Variants in FBXW8 observed in about 807,000 individuals in gnomAD.
The protein encoded by FBXW8 is F-box and WD repeat domain containing 8.
A neutral mutation model predicts 65.3 loss-of-function variants in FBXW8; 57 were observed. The observed-to-expected ratio is 0.87, with a 90% CI of 0.71 to 1.09. FBXW8 has a LOEUF of 1.09. FBXW8 is among the 50% of genes least tolerant of loss of function. The probability of loss-of-function intolerance (pLI) is 0.00; values close to 1 mark genes in which losing one functional copy is unlikely to be tolerated. For synonymous variants in FBXW8, 308 were observed against 330.2 expected (o/e 0.93, Z 0.73); for missense variants, 777 against 814.8 (o/e 0.95, Z 0.57).
chr12:117,022,531 T>TTCGGGTAGCA (rs1954124246), intron 8 of FBXW8, among the ~76,000 whole-genome samples: 12 of 152,104 alleles, frequency 7.9e-5, no homozygotes, highest in South Asian at 2.1e-4. Context: ...AGCACGTGCT[T>TTCGGGTAGCA]GTAGTCCCAG....
intron 5 of FBXW8, among the ~76,000 whole-genome samples, chr12:116,965,060 C>G (rs1884231259): frequency 6.6e-6 from 1 of 152,190 alleles, no homozygotes; most frequent in African/African-American, 2.4e-5. Context: ...AACACAGCAC[C>G]CATTAAAACT....
chr12:116,966,553 T>C (rs983494850), intron 5 of FBXW8, among the ~76,000 whole-genome samples: 11 of 152,120 alleles, frequency 7.2e-5, no homozygotes, highest in Admixed American at 7.2e-4. Flanking sequence ...GTGCGCCCAA[T>C]TGATTTGCAG....
intron 5 of FBXW8, among the ~76,000 whole-genome samples, chr12:116,969,181 C>T (rs1201497370): frequency 1.3e-5 from 2 of 152,152 alleles, no homozygotes; most frequent in African/African-American, 4.8e-5. Context: ...TGGGTAAAAT[C>T]TATAAGTGCT....
chr12:116,922,229 C>G (rs1392715774), intron 1 of FBXW8, among the ~76,000 whole-genome samples: 3 of 151,954 alleles, frequency 2.0e-5, no homozygotes, highest in Non-Finnish European at 4.4e-5. Flanking sequence ...CCTTTCAGAC[C>G]TTTTTCCCCC....
intron 8 of FBXW8, among the ~76,000 whole-genome samples, chr12:117,022,164 C>G (rs1017572228): frequency 6.6e-6 from 1 of 152,010 alleles, no homozygotes; most frequent in African/African-American, 2.4e-5. Context: ...GATTGTTGCC[C>G]CTTGCTGGCT....
chr12:117,025,242 GGAGA>G (rs1954195887), intron 9 of FBXW8, among the ~76,000 whole-genome samples: 3 of 152,228 alleles, frequency 2.0e-5, no homozygotes, highest in Non-Finnish European at 2.9e-5. Context: ...CAGCTACTCA[GGAGA>G]CTGAGGAGCT....
At chr12:117,019,361 G>C (rs917028144) in intron 8 of FBXW8, among the ~76,000 whole-genome samples, 4 of 152,184 alleles carry the variant, frequency 2.6e-5, no homozygotes, top group Non-Finnish European at 4.4e-5. Context: ...GCTTGTTAAT[G>C]TTGGCCACAT....
chr12:116,982,076 A>G (rs1436048809), intron 5 of FBXW8, among the ~76,000 whole-genome samples: 4 of 152,220 alleles, frequency 2.6e-5, no homozygotes, highest in East Asian at 1.9e-4. Flanking sequence ...AGTTATCCCA[A>G]ATACTCAATC....
intron 7 of FBXW8, among the ~76,000 whole-genome samples, chr12:116,998,775 C>A (rs1420872741): frequency 6.6e-6 from 1 of 152,174 alleles, no homozygotes; most frequent in Non-Finnish European, 1.5e-5. Context: ...GTGTGCTTCC[C>A]CTGCATGTCC....
intron 8 of FBXW8, among the ~76,000 whole-genome samples, chr12:117,018,050 G>A (rs1030583526): frequency 2.0e-5 from 3 of 152,158 alleles, no homozygotes; most frequent in Non-Finnish European, 4.4e-5. Flanking sequence ...TCTTAACACA[G>A]GACCAACCAG....
chr12:117,020,455 C>T (rs1174713785), intron 8 of FBXW8, among the ~76,000 whole-genome samples: 1 of 152,188 alleles, frequency 6.6e-6, no homozygotes, highest in Non-Finnish European at 1.5e-5. Context: ...TTTCTCCTTC[C>T]GGAACTTGGG....
chr12:116,960,141 G>C (rs907420749), intron 4 of FBXW8, among the ~76,000 whole-genome samples: 5 of 152,124 alleles, frequency 3.3e-5, no homozygotes, highest in Admixed American at 1.3e-4. Context: ...ACCTCCATTC[G>C]TTATCTGTTC....
At chr12:116,981,518 A>C (rs1423637856) in intron 5 of FBXW8, among the ~76,000 whole-genome samples, 1 of 152,270 alleles carries the variant, frequency 6.6e-6, no homozygotes, top group African/African-American at 2.4e-5. Flanking sequence ...AAGATGTACA[A>C]ATAAAAAGTT....
chr12:117,017,827 A>G (rs1363107079), intron 8 of FBXW8, among the ~76,000 whole-genome samples: 4 of 152,136 alleles, frequency 2.6e-5, no homozygotes, highest in Non-Finnish European at 5.9e-5. Flanking sequence ...GTTCCTCATT[A>G]TCATATGGGA....
At position 117,029,748 on chromosome 12, in the gene FBXW8, T is replaced by C; in HGVS notation, c.*1576T>C. 1 of 152,092 alleles carries C rather than the reference T, an allele frequency of 6.6e-6. No individual in the cohort carries two copies. Among genetic ancestry groups the C allele is most frequent in the East Asian group, 1.9e-4 (1 of 5,184 alleles). 9.4% of individuals were successfully genotyped at this position (152,092 alleles called of 1,614,324 possible). On this transcript the variant is annotated 3_prime_UTR_variant, in exon 11 of 11. Transcript: ENST00000652555. ...CCTCAGCCTCCTGAGTAGCTGGGAT[T>C]ACAGGCGTCCGCTACCACAACTGGC... is the stretch of plus-strand genomic sequence containing the variant.
intron 8 of FBXW8, among the ~76,000 whole-genome samples, chr12:117,016,983 T>C (rs1953966929): frequency 6.6e-6 from 1 of 152,258 alleles, no homozygotes; most frequent in Non-Finnish European, 1.5e-5. Context: ...TCTGTTCTGT[T>C]GATCTGTATG....
At chr12:116,917,919 G>A (rs1439099415) in intron 1 of FBXW8, among the ~76,000 whole-genome samples, 1 of 147,766 alleles carries the variant, frequency 6.8e-6, no homozygotes, top group African/African-American at 2.5e-5. Context: ...TTGAACCCGG[G>A]AAGCAGAGGT....
rs371150811 is a variant in FBXW8, at chr12:117,028,356, G to C, written c.*184G>C. The C allele has an allele frequency of 6.9e-6, 5 of 723,828 alleles. No individual in the cohort carries two copies. The Admixed American group carries it at 8.7e-5, about 13-fold the overall frequency. The allele number at this position is 723,828 out of a possible 1,614,324, so 44.8% of individuals were successfully genotyped here. On this transcript the variant is annotated 3_prime_UTR_variant, in exon 11 of 11. Coordinates refer to ENST00000652555, the MANE Select transcript of FBXW8 (RefSeq NM_153348.3). The surrounding 1 kb of genome is among the most constrained non-coding windows in gnomAD (Gnocchi z 4.1). ...CCCCCAGCGCCTGGGGCAAGCTGGC[G>C]TGTGCCAGGGCTCGAGTCCCACGTG... is the stretch of plus-strand genomic sequence containing the variant.
At chr12:116,948,907 A>G (rs529892615) in intron 3 of FBXW8, 1 of 152,412 alleles carries the variant, frequency 6.6e-6, no homozygotes, top group African/African-American at 2.4e-5. Context: ...GGTGCATGCC[A>G]CCACACCTGA....
Sources: gnomAD v4.1 joint callset for allele counts (sites outside exome capture counted in the v4.1 genomes callset) on GRCh38, gnomAD v4.1.1 for gene constraint, Gnocchi (gnomAD v3.1) non-coding constraint, MANE v1.5 for transcripts, NCBI Gene and HGNC (gene_info 2026-07-23, HGNC 2026-07-21) for gene names.